The following SCRN2 variants were observed in gnomAD, a reference collection of about 807,000 sequenced individuals.
The protein encoded by SCRN2 is secernin-2.
SCRN2 carries 30 observed loss-of-function variants against 40.1 expected under a neutral mutation model. The ratio of observed to expected loss-of-function variants is 0.75; its 90% CI spans 0.56 to 1.01. The LOEUF (loss-of-function observed/expected upper bound fraction) is 1.01. Among genes scored for constraint, SCRN2 ranks in the 50% least tolerant of loss-of-function variants. The pLI, the probability that SCRN2 is intolerant of heterozygous loss-of-function variation, is 0.00. For missense variants in SCRN2, 526 were observed against 564.9 expected (o/e 0.93, Z 0.70); for synonymous variants, 240 against 233.5 (o/e 1.03, Z -0.25).
chr17:47,839,047 A>C, intron 4 of SCRN2, 41 bp from the exon 5 acceptor site: 3 of 1,599,996 alleles, frequency 1.9e-6, no homozygotes, highest in Admixed American at 3.3e-5. Flanking sequence ...ACCATTGAGC[A>C]TCTATTCTAT....
Position 47,838,931 on chromosome 17 carries a change from T to G in SCRN2, c.632A>C (p.His211Pro), listed in dbSNP as rs376210020. The G allele has an allele frequency of 1.2e-6, 2 of 1,614,036 alleles. No individual in the cohort carries two copies. Among genetic ancestry groups the G allele is most frequent in the East Asian group, 2.2e-5 (1 of 44,886 alleles). Residue 211 changes from histidine to proline, a missense_variant, in exon 5 of 8, where the codon CAT becomes CCT. Physicochemically the swap from His to Pro is moderately conservative, Grantham distance 77. Transcript: ENST00000290216. ...ATCCCACCAGCCCTTGGCCTGGGCA[T>G]GAGTCCGCAGCTCCGGGTGTTGGGC... Reference protein sequence around the residue: ...ISAQHPELRTHAQAKGWWDGQ... With the variant: ...ISAQHPELRTPAQAKGWWDGQ...
chr17:47,839,468 G>A lies in SCRN2; in HGVS notation c.532C>T (p.Leu178Phe). The A allele has an allele frequency of 6.2e-7, 1 of 1,613,092 alleles. No homozygotes were observed. Residue 178 changes from leucine to phenylalanine, a missense_variant, in exon 4 of 8, where the codon CTC becomes TTC. Leu to Phe is a conservative substitution (Grantham distance 22). Transcript: ENST00000290216. ...EAWVLETAGR[L>F]WAAQRIQEGA... is the part of the protein sequence containing the mutation. ...CCCTGGATCCTCTGTGCAGCCCAGA[G>A]CCTCCCAGCTGTCTCCAGCACCCAC...
chr17:47,840,503 A>G, intron 2 of SCRN2, 131 bp from the exon 3 acceptor site: 1 of 1,239,088 alleles, frequency 8.1e-7, no homozygotes, highest in Non-Finnish European at 1.1e-6. Context: ...GAGGAAACTG[A>G]GGTAGACTGA....
intron 3 of SCRN2, 86 bp downstream of exon 3, chr17:47,840,105 T>G: frequency 7.1e-7 from 1 of 1,401,630 alleles, no homozygotes. Context: ...TGAACCAGGC[T>G]GGGGGAGGGA....
intron 7 of SCRN2, 125 bp from the exon 8 acceptor site, chr17:47,838,127 G>A: frequency 1.3e-6 from 2 of 1,525,050 alleles, no homozygotes; most frequent in Non-Finnish European, 1.7e-6. Context: ...CCCAAAGGCA[G>A]TTGCTGGCTT....
In SCRN2 at chr17:47,840,804, A is replaced by T; in HGVS notation, c.40T>A (p.Cys14Ser). The T allele has an allele frequency of 6.4e-7, 1 of 1,566,170 alleles. No homozygotes were observed. The highest frequency in any genetic ancestry group is 1.7e-4 in the Middle Eastern group (1 of 5,828). Residue 14 changes from cysteine to serine, a missense_variant, in exon 2 of 8, where the codon TGC becomes AGC. Cys to Ser is a moderately radical substitution (Grantham distance 112). Transcript: ENST00000290216. ...SSPDSPCSCD[C>S]FVSVPPASAI... The stretch of plus-strand genomic sequence containing the variant: ...GAGGCCGGGGGCACGGAGACAAAGC[A>T]GTCGCAGGAACATGGGGAGTCAGGG...
rs2033717828 is a variant in SCRN2, at chr17:47,837,742, A to G, written c.*102T>C. The G allele has an allele frequency of 2.9e-6, 4 of 1,361,510 alleles. No individual in the cohort carries two copies. Among genetic ancestry groups the G allele is most frequent in the South Asian group, 1.5e-5 (1 of 67,350 alleles). The allele number at this position is 1,361,510 out of a possible 1,614,324, so 84.3% of individuals were successfully genotyped here. On this transcript the variant is annotated 3_prime_UTR_variant, in exon 8 of 8. Coordinates refer to ENST00000290216, the MANE Select transcript of SCRN2 (RefSeq NM_138355.4). ...AAAGGCCAAGCTGGCCGCTCAGAAC[A>G]TGGCCAAGGAGCGTGAAGGGATTGC...
chr17:47,840,748 G>C lies in SCRN2; in HGVS notation c.96C>G (p.Asn32Lys), dbSNP rs773736281. The change falls in exon 2 of 8, where the codon AAC (asparagine) becomes AAG (lysine). Residue 32 changes from asparagine (N) to lysine (K), a missense_variant. Coordinates refer to ENST00000290216, the MANE Select transcript of SCRN2 (RefSeq NM_138355.4). ...SAIPAVIFAKNSDRPRDEVQE... is the reference protein window; with the variant it reads ...SAIPAVIFAKKSDRPRDEVQE... The stretch of plus-strand genomic sequence containing the variant: ...GCACCTCGTCCCGGGGTCGGTCCGA[G>C]TTCTTGGCAAAGATCACAGCCGGGA... The C allele has an allele frequency of 1.3e-6, 2 of 1,597,798 alleles. No homozygotes were observed. Among genetic ancestry groups the C allele is most frequent in the Admixed American group, 1.7e-5 (1 of 57,314 alleles).
chr17:47,840,652 C>T lies in SCRN2; in HGVS notation c.174+18G>A. Reference sequence around the variant, plus strand: ...GAGATCTGCCACACCTCCCAGCACCCCATAAAGTCTAACCCACCTGGAGCC... The same window carrying T: ...GAGATCTGCCACACCTCCCAGCACCTCATAAAGTCTAACCCACCTGGAGCC... On this transcript the variant is annotated intron_variant, in intron 2 of 7. Transcript: ENST00000290216. 6.3e-7 allele frequency: 1 copy of T among 1,589,108 alleles called. No individual in the cohort carries two copies. Among genetic ancestry groups the T allele is most frequent in the Non-Finnish European group, 8.6e-7 (1 of 1,167,674 alleles).
At position 47,840,783 on chromosome 17, in the gene SCRN2, C is replaced by T. The variant is rs765416800; in HGVS notation, c.61G>A (p.Ala21Thr). ...AAGATCACAGCCGGGATGGCTGAGG[C>T]CGGGGGCACGGAGACAAAGCAGTCG... Reference protein sequence around the residue: ...SCDCFVSVPPASAIPAVIFAK... With the variant: ...SCDCFVSVPPTSAIPAVIFAK... Residue 21 changes from alanine to threonine, a missense_variant, in exon 2 of 8, where the codon GCC becomes ACC. By Grantham distance (58) the Ala-to-Thr change is moderately conservative. Transcript: ENST00000290216. 3.2e-6 allele frequency: 5 copies of T among 1,581,576 alleles called. 1 individual carries two copies. Among genetic ancestry groups the T allele is most frequent in the Middle Eastern group, 1.7e-4 (1 of 5,932 alleles).
chr17:47,838,376 G>A lies in SCRN2; in HGVS notation c.1013C>T (p.Ala338Val), dbSNP rs1420896572. Residue 338 changes from alanine to valine, a missense_variant, in exon 7 of 8, where the codon GCA (alanine) becomes GTA (valine). Ala to Val is a moderately conservative substitution (Grantham distance 64). Transcript: ENST00000290216. Reference sequence around the variant, plus strand: ...GGGCAGGGTCCGAACAGGGTCTTGTGCTCCAAAAGTGGGGGACAGCACCTG... The same window carrying A: ...GGGCAGGGTCCGAACAGGGTCTTGTACTCCAAAAGTGGGGGACAGCACCTG... ...APQVLSPTFGAQDPVRTLPRF... is the reference protein window; with the variant it reads ...APQVLSPTFGVQDPVRTLPRF... 1.4e-5 allele frequency: 23 copies of A among 1,610,006 alleles called. No individual in the cohort carries two copies. Among genetic ancestry groups the A allele is most frequent in the Non-Finnish European group, 1.9e-5 (22 of 1,178,890 alleles).
chr17:47,838,253 T>C lies in SCRN2; in HGVS notation c.1119+17A>G. ...TCTATCATCCCCTCAAGGTAGCCCC[T>C]ACTCCCTGGGGGATACCTGATCTCT... is the stretch of plus-strand genomic sequence containing the variant. On this transcript the variant is annotated intron_variant, in intron 7 of 7. Transcript: ENST00000290216. The C allele has an allele frequency of 6.3e-7, 1 of 1,581,624 alleles. No homozygotes were observed. The highest frequency in any genetic ancestry group is 8.6e-7 in the Non-Finnish European group (1 of 1,168,660).
intron 7 of SCRN2, 52 bp downstream of exon 7, chr17:47,838,218 G>C: frequency 6.4e-7 from 1 of 1,570,310 alleles, no homozygotes; most frequent in Non-Finnish European, 8.6e-7. Flanking sequence ...CCCACTGGGA[G>C]TGGGGGAGGT....
intron 3 of SCRN2, 73 bp downstream of exon 3, chr17:47,840,118 G>A (rs1346864883): frequency 1.4e-6 from 2 of 1,480,326 alleles, no homozygotes; most frequent in East Asian, 4.6e-5. Context: ...GGGAGGGATG[G>A]ATGGGCCCAG....
intron 1 of SCRN2, 169 bp from the exon 2 acceptor site, chr17:47,841,012 C>A: frequency 1.9e-6 from 1 of 538,018 alleles, no homozygotes; most frequent in Non-Finnish European, 2.9e-6. Context: ...ACCCTCTCCC[C>A]AGGCTCCAGG....
chr17:47,839,222 G>T (rs773379238), intron 4 of SCRN2, among the ~76,000 whole-genome samples: 6 of 152,206 alleles, frequency 3.9e-5, no homozygotes, highest in Non-Finnish European at 7.3e-5. Flanking sequence ...TTGCATATAA[G>T]CAGGAAACCT....
At chr17:47,840,458 C>A in intron 2 of SCRN2, 86 bp from the exon 3 acceptor site, 2 of 1,452,484 alleles carry the variant, frequency 1.4e-6, no homozygotes, top group Non-Finnish European at 1.9e-6. Flanking sequence ...CCTTATAGAT[C>A]CCTTTGAGGA....
rs150264707 is a variant in SCRN2, at chr17:47,839,020, C to T, written c.557-14G>A. ...TGCGGGCCCCCTCTGTGGAGGAGATCGGGGAGTGGTTCATTTACCATTGAG... is the reference window on the plus strand; with the variant it reads ...TGCGGGCCCCCTCTGTGGAGGAGATTGGGGAGTGGTTCATTTACCATTGAG... On this transcript the variant is annotated splice_polypyrimidine_tract_variant and intron_variant, in intron 4 of 7. Coordinates refer to ENST00000290216, the MANE Select transcript of SCRN2 (RefSeq NM_138355.4). The T allele has an allele frequency of 4.4e-5, 71 of 1,612,242 alleles. No homozygotes were observed. Among genetic ancestry groups the T allele is most frequent in the East Asian group, 3.1e-4 (14 of 44,842 alleles).
chr17:47,837,908 G>A lies in SCRN2; in HGVS notation c.1214C>T (p.Pro405Leu). 1 of 1,605,036 alleles carries A rather than the reference G, an allele frequency of 6.2e-7. No homozygotes were observed. The highest frequency in any genetic ancestry group is 1.1e-5 in the South Asian group (1 of 90,964). ...QGLLAGEWAP[P>L]LWELGSLFQA... ...GAAGAGGCTGCCCAGCTCCCAGAGG[G>A]GTGGGGCCCACTCGCCGGCCAGCAG... Residue 405 changes from proline to leucine, a missense_variant, in exon 8 of 8, where the codon CCC becomes CTC. By Grantham distance (98) the Pro-to-Leu change is moderately conservative. Coordinates refer to ENST00000290216, the MANE Select transcript of SCRN2 (RefSeq NM_138355.4).
Sources: gnomAD v4.1 joint callset for allele counts (sites outside exome capture counted in the v4.1 genomes callset) on GRCh38, gnomAD v4.1.1 for gene constraint, MANE v1.5 for transcripts, NCBI Gene and HGNC (gene_info 2026-07-23, HGNC 2026-07-21) for gene names.